The following CEP83 variants were observed in gnomAD, a reference collection of about 807,000 sequenced individuals.
CEP83 encodes centrosomal protein 83, also known as centrosomal protein of 83 kDa.
CEP83 carries 70 observed loss-of-function variants against 101.9 expected under a neutral mutation model. The observed-to-expected ratio is 0.69, with a 90% CI of 0.57 to 0.84. The LOEUF is 0.84. Ranked by LOEUF, CEP83 falls within the 40% of genes least tolerant of loss-of-function variation. CEP83 has a pLI of 0.00. For synonymous variants in CEP83, 264 were observed against 267.9 expected, an observed-to-expected ratio of 0.99 and a Z score of 0.14; for missense variants, 715 against 787.2, an observed-to-expected ratio of 0.91 and a Z score of 1.10.
intron 8 of CEP83, among the ~76,000 whole-genome samples, chr12:94,371,468 G>C (rs898914549): frequency 6.6e-6 from 1 of 152,074 alleles, no homozygotes. Flanking sequence ...CTTTGGTAAG[G>C]AGCTTCTAAA....
chr12:94,382,608 T>C (rs1054957644), intron 6 of CEP83, among the ~76,000 whole-genome samples: 1 of 151,940 alleles, frequency 6.6e-6, no homozygotes, highest in African/African-American at 2.4e-5. Flanking sequence ...CCTTGACCCA[T>C]AAATTTTTTT....
intron 1 of CEP83, among the ~76,000 whole-genome samples, chr12:94,456,049 A>G (rs1294997332): frequency 3.4e-5 from 2 of 58,538 alleles, no homozygotes; most frequent in Non-Finnish European, 8.0e-5. Flanking sequence ...CTCCATCTCA[A>G]AAAAAAAAAA....
intron 6 of CEP83, among the ~76,000 whole-genome samples, chr12:94,400,579 A>G (rs868148714): frequency 2.6e-5 from 4 of 152,168 alleles, no homozygotes; most frequent in Non-Finnish European, 4.4e-5. Flanking sequence ...ACATAAGACA[A>G]AAGACTTTGT....
chr12:94,304,566 A>G (rs1028051253), downstream of CEP83, among the ~76,000 whole-genome samples: 2 of 152,156 alleles, frequency 1.3e-5, no homozygotes, highest in Non-Finnish European at 2.9e-5. Context: ...TTTGTTTCCA[A>G]ACAAATGTTA....
chr12:94,388,890 T>A (rs2062334012), intron 6 of CEP83, among the ~76,000 whole-genome samples: 1 of 151,832 alleles, frequency 6.6e-6, no homozygotes, highest in Non-Finnish European at 1.5e-5. Flanking sequence ...ACTTTGGGAG[T>A]CTGAGGTAGG....
intron 11 of CEP83, among the ~76,000 whole-genome samples, chr12:94,363,765 A>G (rs897970619): frequency 1.3e-5 from 2 of 151,996 alleles, no homozygotes; most frequent in Non-Finnish European, 2.9e-5. Context: ...CCTGGCCAAC[A>G]TGGTGAAACG....
In CEP83 at chr12:94,421,210, T is replaced by C. The variant is rs146727898; in HGVS notation, c.-101-8619A>G. The stretch of plus-strand genomic sequence containing the variant: ...ATTAGGCCTGGCTTTTTAAATTTTT[T>C]TTATTTATTTTAATTTTTATTTTTA... On this transcript the variant is annotated intron_variant, in intron 2 of 16. Transcript: ENST00000397809. Among the ~76,000 whole-genome samples, 284 of 152,100 alleles carry C rather than the reference T, an allele frequency of 1.9e-3. 2 individuals carry two copies. The highest frequency in any genetic ancestry group is 3.4e-3 in the Non-Finnish European group (234 of 67,978).
At chr12:94,309,385 T>G (rs550526937) in intron 16 of CEP83, among the ~76,000 whole-genome samples, 1 of 152,294 alleles carries the variant, frequency 6.6e-6, no homozygotes, top group Admixed American at 6.5e-5. Flanking sequence ...AGGGGCTTGA[T>G]ACAATAGAAA....
At chr12:94,449,779 TAAAAAAAAAAAAA>T (rs71071787) in intron 1 of CEP83, among the ~76,000 whole-genome samples, 8,866 of 48,844 alleles carry the variant, frequency 0.18, 370 homozygotes, top group Middle Eastern at 0.37. Context: ...TCTCAAACAA[TAAAAAAAAAAAAA>T]AAAAAAAAAA....
At chr12:94,424,784 C>G in intron 2 of CEP83, 1 of 1,610,868 alleles carries the variant, frequency 6.2e-7, no homozygotes, top group Non-Finnish European at 8.5e-7. Flanking sequence ...TGGTTGCAAT[C>G]CTCGGATGTA....
chr12:94,421,580 CCTTTAAGTAAAATTTACA>C (rs1255388722), intron 2 of CEP83, among the ~76,000 whole-genome samples: 2 of 152,064 alleles, frequency 1.3e-5, no homozygotes, highest in Non-Finnish European at 2.9e-5. Flanking sequence ...TGTTTATAGT[CCTTTAAGTAAAATTTACA>C]CATAATGAAA....
the CEP83 span, among the ~76,000 whole-genome samples, chr12:94,266,631 T>C: frequency 6.6e-6 from 1 of 152,156 alleles, no homozygotes; most frequent in Non-Finnish European, 1.5e-5. Context: ...GGCCAGACAT[T>C]TTGGAATCCT....
rs768909938 is a variant in CEP83 at position 94,376,031 on chromosome 12, AAAAT to A, written c.802-18_802-15del. The A allele has an allele frequency of 2.7e-6, 4 of 1,461,094 alleles. No individual in the cohort carries two copies. Among genetic ancestry groups the A allele is most frequent in the Non-Finnish European group, 1.8e-6 (2 of 1,092,046 alleles). The allele number at this position is 1,461,094 out of a possible 1,614,324, so 90.5% of individuals were successfully genotyped here. A position where few individuals can be genotyped will look rare whatever the true frequency, so the allele number is the denominator to read the frequency against. ...TTGTTTTTCAGCCTTTCATACAAAC[AAAAT>A]AGTTTAAAATTCATCATTTTTCAAG... On this transcript the variant is annotated splice_polypyrimidine_tract_variant and intron_variant, in intron 7 of 16. Coordinates refer to ENST00000397809, the MANE Select transcript of CEP83 (RefSeq NM_016122.3).
intron 1 of CEP83, among the ~76,000 whole-genome samples, chr12:94,442,098 T>C (rs2066453845): frequency 6.6e-6 from 1 of 151,082 alleles, no homozygotes; most frequent in African/African-American, 2.4e-5. Context: ...CATCAACCAA[T>C]GAGTAGATAA....
At chr12:94,440,231 AG>A (rs1261364240) in intron 1 of CEP83, among the ~76,000 whole-genome samples, 1 of 152,216 alleles carries the variant, frequency 6.6e-6, no homozygotes, top group Non-Finnish European at 1.5e-5. Flanking sequence ...AAAGTGGTAA[AG>A]ATGAAGTCAA....
In CEP83 at chr12:94,333,587, T is replaced by C; in HGVS notation, c.1472A>G (p.Asp491Gly). The change falls in exon 13 of 17, where the codon GAC becomes GGC. Residue 491 changes from aspartate (D) to glycine (G), a missense_variant. Asp to Gly is a moderately conservative substitution (Grantham distance 94). Coordinates refer to ENST00000397809, the MANE Select transcript of CEP83 (RefSeq NM_016122.3). ...CAGCATTTGGTTTGAATTCAGCAAG[T>C]CATTCTCTGACTGTGCAAGTGAAGT... ...QVTSLAQSEN[D>G]LLNSNQMLKE... 1 of 1,613,786 alleles carries C rather than the reference T, an allele frequency of 6.2e-7. No individual in the cohort carries two copies. The highest frequency in any genetic ancestry group is 1.7e-5 in the Admixed American group (1 of 59,996).
intron 8 of CEP83, among the ~76,000 whole-genome samples, chr12:94,375,155 A>C (rs2061470840): frequency 6.6e-6 from 1 of 152,196 alleles, no homozygotes; most frequent in Non-Finnish European, 1.5e-5. Flanking sequence ...AAAGAAAAGG[A>C]GAGACCAAAA....
At chr12:94,334,623 T>C (rs143664073) in intron 12 of CEP83, among the ~76,000 whole-genome samples, 18 of 152,214 alleles carry the variant, frequency 1.2e-4, no homozygotes, top group Admixed American at 8.5e-4. Context: ...GATTCTTATA[T>C]AATAAACAAA....
At chr12:94,439,133 A>G (rs2066210133) in intron 1 of CEP83, among the ~76,000 whole-genome samples, 1 of 152,176 alleles carries the variant, frequency 6.6e-6, no homozygotes, top group South Asian at 2.1e-4. Context: ...ACAAGAACAG[A>G]CCAAACCAAA....
Sources: allele counts gnomAD v4.1 joint callset (sites outside exome capture counted in the v4.1 genomes callset), GRCh38; gene constraint gnomAD v4.1.1; transcripts MANE v1.5; gene names NCBI Gene and HGNC (gene_info 2026-07-23, HGNC 2026-07-21).